The following KDM5B variants were observed in gnomAD, a reference collection of about 807,000 sequenced individuals.
The protein encoded by KDM5B is lysine-specific demethylase 5B.
Under a neutral mutation model 193.4 loss-of-function variants are expected in KDM5B, and 144 were observed. The ratio of observed to expected loss-of-function variants is 0.74; its 90% CI spans 0.65 to 0.86. The LOEUF is 0.86. Ranked by LOEUF, KDM5B falls within the 40% of genes least tolerant of loss-of-function variation. KDM5B has a pLI of 0.00. For missense variants in KDM5B, 1,833 were observed against 1,886.9 expected, an observed-to-expected ratio of 0.97 and a Z score of 0.53; for synonymous variants, 668 against 682.6, an observed-to-expected ratio of 0.98 and a Z score of 0.33.
At position 202,760,582 on chromosome 1, in the gene KDM5B, A is replaced by G. The variant is rs1436378955; in HGVS notation, c.919-9T>C. ...CAGACATACAGGTCCACCTGTAGCA[A>G]TAAAAGTGGGTACAGAACAAAGGAA... On this transcript the variant is annotated splice_polypyrimidine_tract_variant and intron_variant, in intron 7 of 26. Transcript: ENST00000367265. The G allele has an allele frequency of 6.9e-6, 11 of 1,598,390 alleles. No homozygotes were observed. The South Asian group carries it at 1.1e-4, about 16-fold the overall frequency.
At chr1:202,732,106 C>A in intron 23 of KDM5B, 167 bp from the exon 24 acceptor site, 1 of 564,760 alleles carries the variant, frequency 1.8e-6, no homozygotes, top group Non-Finnish European at 3.1e-6. Context: ...TCAGAACTGG[C>A]CAAATCAACT....
intron 2 of KDM5B, among the ~76,000 whole-genome samples, chr1:202,775,856 CA>C (rs35222749): frequency 0.017 from 367 of 21,396 alleles, 1 homozygote; most frequent in South Asian, 0.022. Context: ...ACTCTTGTCT[CA>C]AAAAAAAAAA....
At chr1:202,729,462 G>T (rs376221154) in intron 26 of KDM5B, 1 of 588,536 alleles carries the variant, frequency 1.7e-6, no homozygotes, top group Non-Finnish European at 3.0e-6. Flanking sequence ...TCTTAGCGCC[G>T]GGAAGGTGAA....
chr1:202,768,949 G>A (rs1656590061), intron 4 of KDM5B, among the ~76,000 whole-genome samples: 4 of 151,658 alleles, frequency 2.6e-5, no homozygotes, highest in Admixed American at 2.6e-4. Context: ...CCTGACCTCA[G>A]GTGATCAGCC....
At chr1:202,745,340 A>C (rs529739445) in intron 16 of KDM5B, among the ~76,000 whole-genome samples, 111 of 152,342 alleles carry the variant, frequency 7.3e-4, no homozygotes, top group African/African-American at 2.6e-3. Flanking sequence ...AAAAGCAAAA[A>C]ACAAACTATA....
At chr1:202,799,426 G>C (rs1657985331) in intron 1 of KDM5B, among the ~76,000 whole-genome samples, 1 of 152,210 alleles carries the variant, frequency 6.6e-6, no homozygotes, top group African/African-American at 2.4e-5. Flanking sequence ...GGCCGAGGTG[G>C]GCGGGTCACC....
In KDM5B at chr1:202,808,187, T is replaced by G. The variant is rs1414595774; in HGVS notation, c.119A>C (p.Glu40Ala). ...GAAAGCGAAGGGGTCCGCGAACTCTTCCCAGCTGGGTTCGAAGACCGGGCA... is the reference window on the plus strand; with the variant it reads ...GAAAGCGAAGGGGTCCGCGAACTCTGCCCAGCTGGGTTCGAAGACCGGGCA... Reference protein sequence around the residue: ...PECPVFEPSWEEFADPFAFIH... With the variant: ...PECPVFEPSWAEFADPFAFIH... Residue 40 changes from glutamate (E) to alanine (A), a missense_variant, in exon 1 of 27, where the codon GAA becomes GCA. By Grantham distance (107) the Glu-to-Ala change is moderately radical. Transcript: ENST00000367265. The G allele has an allele frequency of 6.2e-7, 1 of 1,612,902 alleles. No homozygotes were observed. Among genetic ancestry groups the G allele is most frequent in the South Asian group, 1.1e-5 (1 of 91,058 alleles).
chr1:202,775,875 AAAAAATATAT>A (rs1285217574), intron 2 of KDM5B, among the ~76,000 whole-genome samples: 2 of 127,096 alleles, frequency 1.6e-5, no homozygotes, highest in Non-Finnish European at 3.3e-5. Context: ...AAAAAAAAAA[AAAAAATATAT>A]ATATATATAT....
At chr1:202,741,842 G>A (rs578232030) in intron 18 of KDM5B, 120 bp from the exon 19 acceptor site, 1 of 631,742 alleles carries the variant, frequency 1.6e-6, no homozygotes, top group South Asian at 2.0e-5. Context: ...TAATAATATA[G>A]GTAAATAAGA....
chr1:202,747,942 T>A (rs1218124231), intron 14 of KDM5B, among the ~76,000 whole-genome samples: 1 of 150,538 alleles, frequency 6.6e-6, no homozygotes, highest in Admixed American at 6.6e-5. Flanking sequence ...TTAAAAAAAG[T>A]AAAAGAGATA....
At chr1:202,730,070 C>T (rs1401051516) in intron 25 of KDM5B, 43 bp from the exon 26 acceptor site, 2 of 1,486,458 alleles carry the variant, frequency 1.3e-6, no homozygotes, top group East Asian at 2.3e-5. Context: ...CTATGGGTCA[C>T]CTATTACTAA....
chr1:202,775,094 T>G (rs6668689), intron 2 of KDM5B, among the ~76,000 whole-genome samples: 101,889 of 150,820 alleles, frequency 0.68, 36,911 homozygotes, highest in Admixed American at 0.82. Context: ...AAAATCAGCC[T>G]AGTGTGGTGG....
chr1:202,808,244 CCCGGGCCCCCGAGGGGCAGCG>C lies in KDM5B; in HGVS notation c.41_61del (p.Ala14_Pro20del). On this transcript the variant is annotated inframe_deletion, in exon 1 of 27. Transcript: ENST00000367265. ...TGGAGGCAGGAACTCGCCCAGCGGGCCCGGGCCCCCGAGGGGCAGCGCCGGGCGCGGGCCTGGGTGCAGTGT... is the reference window on the plus strand; with the variant it reads ...TGGAGGCAGGAACTCGCCCAGCGGGCCCGGGCGCGGGCCTGGGTGCAGTGT... 1 of 1,611,394 alleles carries C rather than the reference CCCGGGCCCCCGAGGGGCAGCG, an allele frequency of 6.2e-7. No individual in the cohort carries two copies. The highest frequency in any genetic ancestry group is 8.5e-7 in the Non-Finnish European group (1 of 1,179,288).
rs774825366 is a variant in KDM5B, at chr1:202,733,645, C to T, written c.3665G>A (p.Arg1222Gln). 14 of 1,614,070 alleles carry T rather than the reference C, an allele frequency of 8.7e-6. No homozygotes were observed. Among genetic ancestry groups the T allele is most frequent in the Admixed American group, 1.7e-5 (1 of 59,998 alleles). ...CTCTAATGGAGGTTTCTCTGACCTC[C>T]GACAATGGGGACAAAGCCAGATTCG... ...GLRIWLCPHC[R>Q]RSEKPPLEKI... The change falls in exon 23 of 27, where the codon CGG (arginine) becomes CAG (glutamine). Residue 1222 changes from arginine to glutamine, a missense_variant. Coordinates refer to ENST00000367265, the MANE Select transcript of KDM5B (RefSeq NM_006618.5).
At position 202,773,268 on chromosome 1, in the gene KDM5B, T is replaced by C; in HGVS notation, c.426A>G (p.Gly142=). 6.2e-7 allele frequency: 1 copy of C among 1,614,062 alleles called. No individual in the cohort carries two copies. Among genetic ancestry groups the C allele is most frequent in the Non-Finnish European group, 8.5e-7 (1 of 1,179,988 alleles). The change falls in exon 4 of 27, where the codon GGA becomes GGG. Residue 142 remains glycine (G), a synonymous_variant. Transcript: ENST00000367265. ...TTCTATCCTTGCAAACAACTGCAAATCCACCTTCTTCTGCAACTAACTGTT... is the reference window on the plus strand; with the variant it reads ...TTCTATCCTTGCAAACAACTGCAAACCCACCTTCTTCTGCAACTAACTGTT... ...QLNKLVAEEG[G]FAVVCKDRKW...
intron 1 of KDM5B, among the ~76,000 whole-genome samples, chr1:202,804,073 A>G (rs1358784097): frequency 2.0e-5 from 3 of 152,072 alleles, no homozygotes; most frequent in Non-Finnish European, 4.4e-5. Flanking sequence ...CCTAGAACTT[A>G]AAGTATAATT....
At chr1:202,793,675 G>T (rs542643876) in intron 1 of KDM5B, among the ~76,000 whole-genome samples, 1 of 152,240 alleles carries the variant, frequency 6.6e-6, no homozygotes, top group Non-Finnish European at 1.5e-5. Flanking sequence ...TTCTCTTGAA[G>T]TTTTCATTTC....
chr1:202,746,650 TA>T (rs1558489048), intron 14 of KDM5B: 1 of 128,596 alleles, frequency 7.8e-6, no homozygotes, highest in Non-Finnish European at 1.7e-5. Flanking sequence ...ATTTTGGGTA[TA>T]GATAAGAGGT....
At chr1:202,759,636 T>C (rs779995246) in intron 8 of KDM5B, among the ~76,000 whole-genome samples, 1 of 151,656 alleles carries the variant, frequency 6.6e-6, no homozygotes, top group Non-Finnish European at 1.5e-5. Flanking sequence ...ATTAAAAACA[T>C]CAGTAATCAC....
Sources: gnomAD v4.1 joint callset for allele counts (sites outside exome capture counted in the v4.1 genomes callset) on GRCh38, gnomAD v4.1.1 for gene constraint, MANE v1.5 for transcripts, NCBI Gene and HGNC (gene_info 2026-07-23, HGNC 2026-07-21) for gene names.